The following SLC12A1 variants were observed in gnomAD, a reference collection of about 807,000 sequenced individuals.
SLC12A1 encodes the protein solute carrier family 12 member 1, also known as Na-K-2Cl cotransporter.
In SLC12A1, 89 loss-of-function variants were observed where a neutral mutation model predicts 130.4. That is an observed-to-expected ratio of 0.68 (90% CI 0.58 to 0.81). The LOEUF (loss-of-function observed/expected upper bound fraction) is 0.81, where lower values mean the gene tolerates loss of function less well. Ranked by LOEUF, SLC12A1 falls within the 40% of genes least tolerant of loss-of-function variation. The probability of loss-of-function intolerance (pLI) is 0.00; values close to 1 mark genes in which losing one functional copy is unlikely to be tolerated. For missense variants in SLC12A1, 1,310 were observed against 1,336.4 expected (o/e 0.98, Z 0.31); for synonymous variants, 499 against 460.0 (o/e 1.08, Z -1.09).
chr15:48,243,840 T>A (rs909174191), intron 10 of SLC12A1, among the ~76,000 whole-genome samples: 3 of 152,190 alleles, frequency 2.0e-5, no homozygotes, highest in African/African-American at 7.2e-5. Flanking sequence ...CCAAAGCAGT[T>A]TTATTGGTTG....
chr15:48,228,661 G>C lies in SLC12A1; in HGVS notation c.725-528G>C, dbSNP rs754846796. 7.7e-5 allele frequency: 18 copies of C among 234,506 alleles called. 1 individual carries two copies. The highest frequency in any genetic ancestry group is 5.9e-4 in the South Asian group (12 of 20,318). 14.5% of individuals were successfully genotyped at this position (234,506 alleles called of 1,614,324 possible). ...TTTGATTTAAAGAATGGATAATACA[G>C]ATATCTTATTTTATGCAGCACATAT... is the stretch of plus-strand genomic sequence containing the variant. On this transcript the variant is annotated intron_variant, in intron 5 of 26. Coordinates refer to ENST00000380993, the MANE Select transcript of SLC12A1 (RefSeq NM_000338.3).
At chr15:48,243,242 T>C (rs2041538671) in intron 10 of SLC12A1, among the ~76,000 whole-genome samples, 1 of 152,082 alleles carries the variant, frequency 6.6e-6, no homozygotes. Context: ...AAAGAATAGT[T>C]TGACTTGGTA....
At chr15:48,237,735 C>T (rs1052602441) in intron 9 of SLC12A1, among the ~76,000 whole-genome samples, 1 of 152,150 alleles carries the variant, frequency 6.6e-6, no homozygotes, top group Non-Finnish European at 1.5e-5. Flanking sequence ...CTTTTAACTA[C>T]AGACAATAGA....
intron 11 of SLC12A1, among the ~76,000 whole-genome samples, chr15:48,245,168 C>T (rs529016230): frequency 1.1e-4 from 17 of 152,260 alleles, no homozygotes; most frequent in South Asian, 4.1e-4. Flanking sequence ...ATGTGTGTTC[C>T]GATCAGTTGT....
Position 48,285,145 on chromosome 15 carries a change from A to C in SLC12A1, c.2525A>C (p.Glu842Ala). The C allele has an allele frequency of 6.2e-7, 1 of 1,613,436 alleles. No individual in the cohort carries two copies. Among genetic ancestry groups the C allele is most frequent in the Non-Finnish European group, 8.5e-7 (1 of 1,179,574 alleles). The part of the protein sequence containing the change: ...ERLEQERLAL[E>A]ATIKDNECEE... ...TTAGAACAGGAGAGACTAGCATTGG[A>C]AGCGACTATCAAAGATAATGAGTGT... Residue 842 changes from glutamate (E) to alanine (A), a missense_variant, in exon 21 of 27, where the codon GAA becomes GCA. Glu to Ala is a moderately radical substitution (Grantham distance 107). Coordinates refer to ENST00000380993, the MANE Select transcript of SLC12A1 (RefSeq NM_000338.3).
chr15:48,274,756 T>C, intron 20 of SLC12A1, 103 bp downstream of exon 20: 2 of 692,664 alleles, frequency 2.9e-6, no homozygotes, highest in Non-Finnish European at 5.0e-6. Context: ...CAAAACTCCT[T>C]GACAGTGGAG....
chr15:48,247,570 T>A (rs1272533181), intron 13 of SLC12A1, 110 bp downstream of exon 13: 1 of 810,686 alleles, frequency 1.2e-6, no homozygotes, highest in African/African-American at 1.7e-5. Flanking sequence ...GGATCCCATT[T>A]GGGAATATTG....
chr15:48,227,442 A>G, intron 5 of SLC12A1: 1 of 452,628 alleles, frequency 2.2e-6, no homozygotes, highest in Non-Finnish European at 4.0e-6. Flanking sequence ...TTATAGCAAA[A>G]TATATGGTTT....
At chr15:48,220,185 A>AGATG (rs1567305483) in intron 2 of SLC12A1, among the ~76,000 whole-genome samples, 1 of 150,938 alleles carries the variant, frequency 6.6e-6, no homozygotes, top group Non-Finnish European at 1.5e-5. Flanking sequence ...ATAGATAGAT[A>AGATG]AAATGAAGTA....
chr15:48,246,766 C>A, intron 11 of SLC12A1, 143 bp from the exon 12 acceptor site: 2 of 712,828 alleles, frequency 2.8e-6, no homozygotes, highest in Non-Finnish European at 5.0e-6. Context: ...GGCGATAGAG[C>A]GAGACTGTCT....
chr15:48,242,233 G>A (rs984065404), intron 10 of SLC12A1, among the ~76,000 whole-genome samples: 1 of 152,158 alleles, frequency 6.6e-6, no homozygotes, highest in African/African-American at 2.4e-5. Flanking sequence ...ACCTCCTCCT[G>A]GTTGGGGGTT....
Position 48,249,603 on chromosome 15 carries a change from C to T in SLC12A1, c.1713C>T (p.Ile571=). The change falls in exon 14 of 27, where the codon ATC becomes ATT. Residue 571 remains isoleucine (I), a synonymous_variant. Transcript: ENST00000380993. ...IAELNTIAPI[I]SNFFLASYAL... ...AACTGAACACCATTGCTCCCATCAT[C>T]TCCAACTTTTTCCTGGCCTCATATG... 1 of 1,613,902 alleles carries T rather than the reference C, an allele frequency of 6.2e-7. No individual in the cohort carries two copies. The highest frequency in any genetic ancestry group is 8.5e-7 in the Non-Finnish European group (1 of 1,179,812).
At chr15:48,286,946 G>C (rs557092851) in intron 21 of SLC12A1, among the ~76,000 whole-genome samples, 5 of 152,122 alleles carry the variant, frequency 3.3e-5, no homozygotes, top group Admixed American at 3.3e-4. Flanking sequence ...CTCCCTCAGC[G>C]GTCCCAGGGA....
chr15:48,258,035 G>C (rs2041727065), intron 16 of SLC12A1, among the ~76,000 whole-genome samples: 1 of 152,138 alleles, frequency 6.6e-6, no homozygotes, highest in Admixed American at 6.5e-5. Flanking sequence ...CTAGGGCAGA[G>C]GCAAAATGCT....
intron 17 of SLC12A1, among the ~76,000 whole-genome samples, chr15:48,262,067 C>T (rs1014222179): frequency 6.6e-6 from 1 of 152,058 alleles, no homozygotes; most frequent in African/African-American, 2.4e-5. Context: ...TTTTGGTATG[C>T]TATAGTTGCC....
chr15:48,291,688 T>C, intron 23 of SLC12A1, 90 bp from the exon 24 acceptor site: 3 of 787,904 alleles, frequency 3.8e-6, no homozygotes, highest in Admixed American at 4.5e-5. Flanking sequence ...AAGACGTGAT[T>C]GCTTTTGATA....
Position 48,255,891 on chromosome 15 carries a change from G to A in SLC12A1, c.2023G>A (p.Asp675Asn). The change falls in exon 16 of 27, where the codon GAC becomes AAC. Residue 675 changes from aspartate to asparagine, a missense_variant. Coordinates refer to ENST00000380993, the MANE Select transcript of SLC12A1 (RefSeq NM_000338.3). ...DNALELTTVEDHVKNFRPQCI... is the reference protein window; with the variant it reads ...DNALELTTVENHVKNFRPQCI... ...TGCTCTGGAATTAACCACAGTGGAA[G>A]ACCACGTAAAAAACTTCAGGTAAAG... is the stretch of plus-strand genomic sequence containing the variant. 1 of 1,597,548 alleles carries A rather than the reference G, an allele frequency of 6.3e-7. No homozygotes were observed. The highest frequency in any genetic ancestry group is 1.1e-5 in the South Asian group (1 of 87,758).
intron 2 of SLC12A1, among the ~76,000 whole-genome samples, chr15:48,216,526 C>T (rs1172531677): frequency 6.6e-6 from 1 of 152,210 alleles, no homozygotes; most frequent in Admixed American, 6.5e-5. Context: ...CCAAGACCAT[C>T]TTTAAAAAAG....
At chr15:48,208,634 G>A (rs1308714019) in intron 2 of SLC12A1, among the ~76,000 whole-genome samples, 2 of 152,160 alleles carry the variant, frequency 1.3e-5, no homozygotes, top group Non-Finnish European at 2.9e-5. Flanking sequence ...TTCTGACTTA[G>A]GATAGAGAAC....
Sources: gnomAD v4.1 joint callset for allele counts (sites outside exome capture counted in the v4.1 genomes callset) on GRCh38, gnomAD v4.1.1 for gene constraint, MANE v1.5 for transcripts, NCBI Gene and HGNC (gene_info 2026-07-23, HGNC 2026-07-21) for gene names.